Variants in UST observed in about 807,000 individuals in gnomAD.
UST encodes chondroitin sulfate 2-O-sulfotransferase.
UST carries 21 observed loss-of-function variants against 45.6 expected under a neutral mutation model. That is an observed-to-expected ratio of 0.46 (90% CI 0.33 to 0.66). The LOEUF is 0.66. Among genes scored for constraint, UST ranks in the 30% least tolerant of loss-of-function variants. The pLI, the probability that UST is intolerant of heterozygous loss-of-function variation, is 0.02. For missense variants in UST, 463 were observed against 512.4 expected (o/e 0.90, Z 0.93); for synonymous variants, 215 against 200.6 (o/e 1.07, Z -0.61).
At chr6:149,011,743 C>T (rs933913833) in intron 5 of UST, among the ~76,000 whole-genome samples, 1 of 152,124 alleles carries the variant, frequency 6.6e-6, no homozygotes, top group Admixed American at 6.5e-5. Flanking sequence ...ACCTGGGAGG[C>T]AGAGGTTACA....
chr6:149,031,468 A>G (rs989007489), intron 7 of UST, among the ~76,000 whole-genome samples: 1 of 152,226 alleles, frequency 6.6e-6, no homozygotes, highest in Non-Finnish European at 1.5e-5. Context: ...CTTAAATTGC[A>G]GCATAATATA....
Position 149,073,847 on chromosome 6 carries a change from G to A in UST, c.952G>A (p.Gly318Arg), listed in dbSNP as rs1303245564. The A allele has an allele frequency of 1.2e-6, 2 of 1,613,424 alleles. No homozygotes were observed. Among genetic ancestry groups the A allele is most frequent in the Non-Finnish European group, 1.7e-6 (2 of 1,179,348 alleles). Residue 318 changes from glycine (G) to arginine (R), a missense_variant, in exon 8 of 8, where the codon GGA becomes AGA. Physicochemically the swap from Gly to Arg is moderately radical, Grantham distance 125. Transcript: ENST00000367463. Reference protein sequence around the residue: ...IYKDPEHRKLGNMTVTVKKTV... With the variant: ...IYKDPEHRKLRNMTVTVKKTV... ...TTCTCTTCCAGAGCACAGGAAGCTT[G>A]GAAACATGACTGTGACGGTGAAGAA...
At chr6:148,812,773 C>T (rs886525132) in intron 1 of UST, among the ~76,000 whole-genome samples, 1 of 152,220 alleles carries the variant, frequency 6.6e-6, no homozygotes, top group Middle Eastern at 3.2e-3. Context: ...TATAGTTTAA[C>T]TTCTGCCATA....
chr6:148,878,205 G>A (rs1778736634), intron 1 of UST, among the ~76,000 whole-genome samples: 1 of 135,120 alleles, frequency 7.4e-6, no homozygotes, highest in African/African-American at 2.9e-5. Context: ...ACGAGTGTGA[G>A]GGATCATGTA....
chr6:149,062,338 G>T (rs1383298403), intron 7 of UST, among the ~76,000 whole-genome samples: 1 of 152,216 alleles, frequency 6.6e-6, no homozygotes, highest in Non-Finnish European at 1.5e-5. Flanking sequence ...TAGCTAAAAA[G>T]TGAAGTATGC....
intron 2 of UST, among the ~76,000 whole-genome samples, chr6:148,920,512 T>G (rs1022582209): frequency 4.6e-5 from 7 of 152,066 alleles, no homozygotes; most frequent in African/African-American, 1.7e-4. Context: ...CTGCCCACCC[T>G]CGAGAGGTTT....
intron 7 of UST, among the ~76,000 whole-genome samples, chr6:149,065,596 AT>A (rs1776719108): frequency 6.6e-6 from 1 of 152,152 alleles, no homozygotes; most frequent in Admixed American, 6.5e-5. Context: ...CCAGATTCAA[AT>A]TCGTTTTTTC....
intron 7 of UST, among the ~76,000 whole-genome samples, chr6:149,055,925 C>T (rs912564563): frequency 3.3e-5 from 5 of 152,112 alleles, no homozygotes; most frequent in African/African-American, 1.2e-4. Context: ...TCATTTATAG[C>T]CTGTTGTTGA....
intron 1 of UST, among the ~76,000 whole-genome samples, chr6:148,818,126 G>T (rs1777388913): frequency 6.6e-6 from 1 of 152,136 alleles, no homozygotes; most frequent in African/African-American, 2.4e-5. Flanking sequence ...TTGCTAGTCT[G>T]TCGGAAGTCT....
chr6:149,072,653 CAA>C (rs61680098), intron 7 of UST, among the ~76,000 whole-genome samples: 50,064 of 136,238 alleles, frequency 0.37, 8,816 homozygotes, highest in Middle Eastern at 0.44. Context: ...AACTCCATCT[CAA>C]AAAAAAAAAA....
intron 5 of UST, among the ~76,000 whole-genome samples, chr6:149,000,350 G>A (rs1299626875): frequency 6.6e-6 from 1 of 152,208 alleles, no homozygotes; most frequent in African/African-American, 2.4e-5. Context: ...GCTCTCATAA[G>A]ATGGGAAGTA....
chr6:149,052,606 C>G (rs1301041645), intron 7 of UST, among the ~76,000 whole-genome samples: 2 of 152,242 alleles, frequency 1.3e-5, no homozygotes, highest in East Asian at 3.9e-4. Context: ...CTCTCTCTCT[C>G]TCTCTCTCTG....
At chr6:148,888,819 A>G (rs750794069) in intron 2 of UST, among the ~76,000 whole-genome samples, 3 of 152,216 alleles carry the variant, frequency 2.0e-5, no homozygotes, top group Non-Finnish European at 2.9e-5. Context: ...CAAAACAAGA[A>G]CAACAACAAC....
intron 2 of UST, among the ~76,000 whole-genome samples, chr6:148,892,537 T>C (rs1366700774): frequency 6.6e-6 from 1 of 152,176 alleles, no homozygotes; most frequent in African/African-American, 2.4e-5. Flanking sequence ...ATATGGTAGC[T>C]ATTAGCCTCA....
intron 1 of UST, among the ~76,000 whole-genome samples, chr6:148,871,935 G>GT (rs1362333953): frequency 6.6e-6 from 1 of 152,194 alleles, no homozygotes. Flanking sequence ...AACCAGCCGT[G>GT]TGTCTTAGCT....
intron 1 of UST, among the ~76,000 whole-genome samples, chr6:148,791,320 AGAG>A (rs1270782695): frequency 6.6e-6 from 1 of 152,246 alleles, no homozygotes; most frequent in Non-Finnish European, 1.5e-5. Flanking sequence ...TCACCAAGAT[AGAG>A]GAGAAGAATT....
At chr6:148,877,593 G>GGA (rs1778703156) in intron 1 of UST, among the ~76,000 whole-genome samples, 1 of 137,004 alleles carries the variant, frequency 7.3e-6, no homozygotes, top group Non-Finnish European at 1.6e-5. Context: ...AGTGCGAGGG[G>GGA]TCGTGTATGA....
chr6:148,821,986 C>G (rs1009150967), intron 1 of UST, among the ~76,000 whole-genome samples: 1 of 152,128 alleles, frequency 6.6e-6, no homozygotes, highest in African/African-American at 2.4e-5. Context: ...TGAGCGGTTC[C>G]CTTACTTTAT....
At chr6:148,999,854 A>G (rs147731276) in intron 5 of UST, among the ~76,000 whole-genome samples, 189 of 152,334 alleles carry the variant, frequency 1.2e-3, no homozygotes, top group African/African-American at 4.4e-3. Flanking sequence ...AGGGCTCCCA[A>G]TCAAGATGGT....
Sources: gnomAD v4.1 joint callset for allele counts (sites outside exome capture counted in the v4.1 genomes callset) on GRCh38, gnomAD v4.1.1 for gene constraint, MANE v1.5 for transcripts, NCBI Gene and HGNC (gene_info 2026-07-23, HGNC 2026-07-21) for gene names.